CCDC88C: variants seen among roughly 807,000 people sequenced by gnomAD.
The protein encoded by CCDC88C is coiled-coil and HOOK domain protein 88C.
A neutral mutation model predicts 198.8 loss-of-function variants in CCDC88C; 131 were observed. The ratio of observed to expected loss-of-function variants is 0.66; its 90% CI spans 0.57 to 0.76. The LOEUF (loss-of-function observed/expected upper bound fraction) is 0.76, where lower values mean the gene tolerates loss of function less well. Among genes scored for constraint, CCDC88C ranks in the 30% least tolerant of loss-of-function variants. The pLI, the probability that CCDC88C is intolerant of heterozygous loss-of-function variation, is 0.00. For missense variants in CCDC88C, 2,553 were observed against 2,631.6 expected (o/e 0.97, Z 0.65); for synonymous variants, 1,166 against 1,114.7 (o/e 1.05, Z -0.92).
chr14:91,307,172 G>A lies in CCDC88C; in HGVS notation c.3061C>T (p.Gln1021Ter). The A allele has an allele frequency of 6.2e-7, 1 of 1,613,902 alleles. No homozygotes were observed. The highest frequency in any genetic ancestry group is 1.7e-5 in the Admixed American group (1 of 60,024). The change falls in exon 18 of 30, where the codon CAG becomes TAG. Residue 1021 changes from glutamine to a stop codon, truncating the protein, a stop_gained. Coordinates refer to ENST00000389857, the MANE Select transcript of CCDC88C (RefSeq NM_001080414.4). LOFTEE classifies it high-confidence loss of function. ...RQNQGEGQHL[Q>*]NSFKHPAGKT... ...CCCGCAGGGTGCTTGAAAGAGTTCT[G>A]CAAGTGCTGCCCCTCTCCCTGGTTC... is the stretch of plus-strand genomic sequence containing the variant.
chr14:91,358,213 C>G (rs1894131236), intron 4 of CCDC88C, among the ~76,000 whole-genome samples: 1 of 152,218 alleles, frequency 6.6e-6, no homozygotes, highest in African/African-American at 2.4e-5. Flanking sequence ...TCAGTGAACT[C>G]TTCTAAAGTC....
chr14:91,399,734 G>C, intron 3 of CCDC88C, among the ~76,000 whole-genome samples: 1 of 151,674 alleles, frequency 6.6e-6, no homozygotes, highest in Non-Finnish European at 1.5e-5. Context: ...AGCTACTCAG[G>C]AGGCTGAGGC....
chr14:91,282,960 A>G (rs1890257217), intron 26 of CCDC88C, among the ~76,000 whole-genome samples: 1 of 152,218 alleles, frequency 6.6e-6, no homozygotes, highest in African/African-American at 2.4e-5. Flanking sequence ...TTCTCTCGAG[A>G]AAAAAACCCC....
At position 91,303,996 on chromosome 14, in the gene CCDC88C, C is replaced by T. The variant is rs1364563207; in HGVS notation, c.3358-18G>A. 3.8e-6 allele frequency: 6 copies of T among 1,590,338 alleles called. No individual in the cohort carries two copies. Among genetic ancestry groups the T allele is most frequent in the Non-Finnish European group, 5.1e-6 (6 of 1,170,960 alleles). ...TTCTCCACCTGCCGAGAGGGAGAAG[C>T]GCGGCGTGGCGCAGGCCCCACAGTC... is the stretch of plus-strand genomic sequence containing the variant. On this transcript the variant is annotated intron_variant, in intron 19 of 29. Transcript: ENST00000389857.
chr14:91,314,782 A>G (rs541291822), intron 14 of CCDC88C, among the ~76,000 whole-genome samples: 37 of 152,286 alleles, frequency 2.4e-4, no homozygotes, highest in Middle Eastern at 3.4e-3. Context: ...TCTGTTTACC[A>G]TGCACCATTC....
At chr14:91,305,724 C>A in intron 19 of CCDC88C, 41 bp downstream of exon 19, 1 of 1,568,468 alleles carries the variant, frequency 6.4e-7, no homozygotes, top group Non-Finnish European at 8.7e-7. Context: ...GATAAACATC[C>A]CGCCAGGCTT....
At chr14:91,375,657 T>C (rs1051684365) in intron 3 of CCDC88C, among the ~76,000 whole-genome samples, 2 of 152,152 alleles carry the variant, frequency 1.3e-5, no homozygotes, top group Non-Finnish European at 2.9e-5. Context: ...CCTCACCAGC[T>C]GTTCCCATGG....
intron 4 of CCDC88C, among the ~76,000 whole-genome samples, chr14:91,359,251 G>GGATTCAC (rs1555425092): frequency 0.3 from 45,156 of 149,158 alleles, 7,004 homozygotes; most frequent in Non-Finnish European, 0.34. Context: ...GCAAGCTCCG[G>GGATTCAC]GCCATTCTCC....
At chr14:91,390,782 G>C (rs542363519) in intron 3 of CCDC88C, among the ~76,000 whole-genome samples, 12 of 152,282 alleles carry the variant, frequency 7.9e-5, no homozygotes, top group Non-Finnish European at 1.3e-4. Context: ...CCAGAGAATG[G>C]GGTGGAAGCA....
chr14:91,345,182 A>AT (rs1567089545), intron 4 of CCDC88C, among the ~76,000 whole-genome samples: 4 of 68,262 alleles, frequency 5.9e-5, no homozygotes, highest in East Asian at 3.3e-4. Context: ...ATATATATAT[A>AT]TATATATATT....
rs1244816871 is a variant in CCDC88C at position 91,299,365 on chromosome 14, C to T, written c.3779+562G>A. Among the ~76,000 whole-genome samples the T allele has an allele frequency of 2.6e-5, 4 of 152,170 alleles. No homozygotes were observed. The East Asian group carries it at 7.7e-4, about 29-fold the overall frequency. On this transcript the variant is annotated intron_variant, in intron 21 of 29. Coordinates refer to ENST00000389857, the MANE Select transcript of CCDC88C (RefSeq NM_001080414.4). The stretch of plus-strand genomic sequence containing the variant: ...TTCCCGAAAGCACAAAATATGAAAA[C>T]CGTGGCATTGAAGAGATTCTGAAAG...
At chr14:91,329,115 T>G (rs1011101045) in intron 10 of CCDC88C, among the ~76,000 whole-genome samples, 1 of 152,218 alleles carries the variant, frequency 6.6e-6, no homozygotes, top group Non-Finnish European at 1.5e-5. Flanking sequence ...CTCTGAACCC[T>G]ACCTGCTCAT....
chr14:91,368,572 G>A (rs1460771777), intron 3 of CCDC88C, among the ~76,000 whole-genome samples: 1 of 152,176 alleles, frequency 6.6e-6, no homozygotes, highest in Non-Finnish European at 1.5e-5. Context: ...GGCCCCACAC[G>A]TATTCCAGTG....
chr14:91,392,984 G>A (rs1198282832), intron 3 of CCDC88C, among the ~76,000 whole-genome samples: 3 of 152,184 alleles, frequency 2.0e-5, no homozygotes, highest in Admixed American at 6.5e-5. Context: ...GAAAGGTGCT[G>A]GGGAAGGAGA....
At chr14:91,403,448 T>C (rs1268406696) in intron 3 of CCDC88C, among the ~76,000 whole-genome samples, 1 of 152,158 alleles carries the variant, frequency 6.6e-6, no homozygotes, top group East Asian at 1.9e-4. Context: ...GGGCAGGGAA[T>C]GGGGATGGGA....
At chr14:91,373,072 C>G (rs1378431833) in intron 3 of CCDC88C, among the ~76,000 whole-genome samples, 2 of 152,118 alleles carry the variant, frequency 1.3e-5, no homozygotes, top group Non-Finnish European at 2.9e-5. Context: ...GAAGACAGTC[C>G]CAGCTACCTG....
Position 91,340,784 on chromosome 14 carries a change from G to A in CCDC88C, c.484-760C>T, listed in dbSNP as rs571331407. ...AAGAAGTCTTTATTCAATCAACAGA[G>A]ATAGAGAAAACAAAAAAACTCAGCT... is the stretch of plus-strand genomic sequence containing the variant. On this transcript the variant is annotated intron_variant, in intron 6 of 29. Coordinates refer to ENST00000389857, the MANE Select transcript of CCDC88C (RefSeq NM_001080414.4). Among the ~76,000 whole-genome samples the A allele has an allele frequency of 1.2e-3, 177 of 152,188 alleles. 1 individual carries two copies. Among genetic ancestry groups the A allele is most frequent in the African/African-American group, 4.2e-3 (173 of 41,510 alleles).
intron 3 of CCDC88C, among the ~76,000 whole-genome samples, chr14:91,398,317 G>A (rs1472477868): frequency 6.6e-6 from 1 of 152,210 alleles, no homozygotes; most frequent in South Asian, 2.1e-4. Flanking sequence ...CAGGTCCTCA[G>A]CCCGTTTGCT....
At chr14:91,363,907 G>C (rs1341080362) in intron 3 of CCDC88C, among the ~76,000 whole-genome samples, 4 of 152,246 alleles carry the variant, frequency 2.6e-5, no homozygotes, top group Non-Finnish European at 5.9e-5. Flanking sequence ...CGTGGCATCA[G>C]AACAGAAAGC....
Sources: allele counts gnomAD v4.1 joint callset (sites outside exome capture counted in the v4.1 genomes callset), GRCh38; gene constraint gnomAD v4.1.1; transcripts MANE v1.5; gene names NCBI Gene and HGNC (gene_info 2026-07-23, HGNC 2026-07-21).